ADCY1: variants seen among roughly 807,000 people sequenced by gnomAD.
ADCY1 encodes adenylate cyclase type 1.
In ADCY1, 28 loss-of-function variants were observed where a neutral mutation model predicts 105.4. The ratio of observed to expected loss-of-function variants is 0.27; its 90% CI spans 0.20 to 0.36. The LOEUF (loss-of-function observed/expected upper bound fraction) is 0.36, where lower values mean the gene tolerates loss of function less well. ADCY1 is among the 10% of genes least tolerant of loss of function. The probability of loss-of-function intolerance (pLI) is 1.00; values close to 1 mark genes in which losing one functional copy is unlikely to be tolerated. For synonymous variants in ADCY1, 655 were observed against 623.8 expected (o/e 1.05, Z -0.75); for missense variants, 977 against 1,434.2 (o/e 0.68, Z 5.15).
intron 1 of ADCY1, among the ~76,000 whole-genome samples, chr7:45,580,325 G>A (rs1049907816): frequency 2.6e-5 from 4 of 152,294 alleles, no homozygotes; most frequent in Non-Finnish European, 4.4e-5. Flanking sequence ...CTGAGGGGCC[G>A]GGGGGCAGCT....
chr7:45,716,040 G>C lies in ADCY1; in HGVS notation c.*2045G>C, dbSNP rs1249765368. The C allele has an allele frequency of 6.6e-6, 1 of 152,604 alleles. No individual in the cohort carries two copies. Among genetic ancestry groups the C allele is most frequent in the Non-Finnish European group, 1.5e-5 (1 of 68,398 alleles). 9.5% of individuals were successfully genotyped at this position (152,604 alleles called of 1,614,324 possible). A position where few individuals can be genotyped will look rare whatever the true frequency, so the allele number is the denominator to read the frequency against. Reference sequence around the variant, plus strand: ...GGACCCACTGGAGACTTTGAGGGCAGAGCTCGGGCACCTTTCATCTTCCTT... The same window carrying C: ...GGACCCACTGGAGACTTTGAGGGCACAGCTCGGGCACCTTTCATCTTCCTT... On this transcript the variant is annotated 3_prime_UTR_variant, in exon 20 of 20. Transcript: ENST00000297323.
intron 1 of ADCY1, among the ~76,000 whole-genome samples, chr7:45,587,237 T>G (rs918963524): frequency 6.6e-6 from 1 of 152,180 alleles, no homozygotes; most frequent in Non-Finnish European, 1.5e-5. Flanking sequence ...GAGCATGCTC[T>G]GCCCAGAGCT....
intron 14 of ADCY1, among the ~76,000 whole-genome samples, chr7:45,699,776 T>C (rs2471275): frequency 0.58 from 88,160 of 151,984 alleles, 26,488 homozygotes; most frequent in East Asian, 0.79. Context: ...TCGCAGGCCT[T>C]CTGAGGGTGC....
At chr7:45,622,514 G>A in intron 3 of ADCY1, 118 bp from the exon 4 acceptor site, 1 of 726,132 alleles carries the variant, frequency 1.4e-6, no homozygotes, top group African/African-American at 1.7e-5. Flanking sequence ...TCTGCATTGA[G>A]GAATAAATGG....
chr7:45,674,025 T>TC (rs1784412665), intron 8 of ADCY1, among the ~76,000 whole-genome samples: 2 of 144,900 alleles, frequency 1.4e-5, no homozygotes, highest in Admixed American at 1.4e-4. Flanking sequence ...GTTGTTTTTT[T>TC]TTTTTTTCCT....
At chr7:45,652,540 T>A (rs768534040) in intron 5 of ADCY1, among the ~76,000 whole-genome samples, 1 of 152,242 alleles carries the variant, frequency 6.6e-6, no homozygotes, top group Non-Finnish European at 1.5e-5. Context: ...TCTTGTTTTA[T>A]CGCTTTGAAG....
In ADCY1 at chr7:45,710,704, G is replaced by T. The variant is rs1280308029; in HGVS notation, c.3057+52G>T. On this transcript the variant is annotated intron_variant, in intron 19 of 19. Coordinates refer to ENST00000297323, the MANE Select transcript of ADCY1 (RefSeq NM_021116.4). The surrounding 1 kb of genome is among the most constrained non-coding windows in gnomAD (Gnocchi z 4.7). ...CATGGGTGCCCATTCTTCAGGTGAG[G>T]AAACTGAGGCACAGGGGGCCAGAAT... is the stretch of plus-strand genomic sequence containing the variant. The T allele has an allele frequency of 3.8e-6, 6 of 1,562,934 alleles. No homozygotes were observed. The highest frequency in any genetic ancestry group is 5.2e-6 in the Non-Finnish European group (6 of 1,154,458).
At chr7:45,598,789 A>T (rs1054598234) in intron 2 of ADCY1, among the ~76,000 whole-genome samples, 11 of 152,248 alleles carry the variant, frequency 7.2e-5, no homozygotes, top group African/African-American at 2.7e-4. Context: ...TTGCAATTTG[A>T]TCAGTCACAG....
At chr7:45,650,282 C>T (rs151251704) in intron 5 of ADCY1, among the ~76,000 whole-genome samples, 1,907 of 152,154 alleles carry the variant, frequency 0.013, 42 homozygotes, top group African/African-American at 0.043. Context: ...ATATAACTGT[C>T]TTTCGTATTT....
At position 45,721,611 on chromosome 7, in the gene ADCY1, T is replaced by G. The variant is rs953907989; in HGVS notation, c.*7616T>G. 2.5e-6 allele frequency: 1 copy of G among 398,584 alleles called. No homozygotes were observed. The highest frequency in any genetic ancestry group is 4.4e-5 in the Admixed American group (1 of 22,732). The allele number at this position is 398,584 out of a possible 1,614,324, so 24.7% of individuals were successfully genotyped here. A position where few individuals can be genotyped will look rare whatever the true frequency, so the allele number is the denominator to read the frequency against. Reference sequence around the variant, plus strand: ...CATTGGTTGTATTTGCTACTTTTACTTTCATCTTCCTCTGCTGTAGAGCCA... The same window carrying G: ...CATTGGTTGTATTTGCTACTTTTACGTTCATCTTCCTCTGCTGTAGAGCCA... On this transcript the variant is annotated 3_prime_UTR_variant, in exon 20 of 20. Transcript: ENST00000297323.
At chr7:45,579,803 G>A (rs961101338) in intron 1 of ADCY1, among the ~76,000 whole-genome samples, 3 of 152,146 alleles carry the variant, frequency 2.0e-5, no homozygotes, top group African/African-American at 7.2e-5. Context: ...CCTGGGCATG[G>A]CCCCCCACAG....
chr7:45,665,452 A>G (rs1784212881), intron 8 of ADCY1, among the ~76,000 whole-genome samples: 1 of 152,264 alleles, frequency 6.6e-6, no homozygotes, highest in South Asian at 2.1e-4. Flanking sequence ...AATACCTGGC[A>G]GCACAGTTGT....
In ADCY1 at chr7:45,624,071, A is replaced by G. The variant is rs140481393; in HGVS notation, c.1020+1328A>G. Among the ~76,000 whole-genome samples, 41 of 152,314 alleles carry G rather than the reference A, an allele frequency of 2.7e-4. No homozygotes were observed. The East Asian group carries it at 7.3e-3, about 27-fold the overall frequency. On this transcript the variant is annotated intron_variant, in intron 4 of 19. Transcript: ENST00000297323. ...AGGCAGCATCTTTTCAGAGAAGGTG[A>G]CAGTGAAGAGTCTTGAGGGAAAATG...
chr7:45,665,177 A>G (rs1784202988), intron 8 of ADCY1, among the ~76,000 whole-genome samples: 1 of 152,186 alleles, frequency 6.6e-6, no homozygotes, highest in African/African-American at 2.4e-5. Flanking sequence ...AGCCTAAGAA[A>G]CCATTTACTT....
rs538322776 is a variant in ADCY1, at chr7:45,611,907, G to A, written c.908+1410G>A. On this transcript the variant is annotated intron_variant, in intron 3 of 19. Transcript: ENST00000297323. ...CATTTGGCCTCTGAAGACACAAAAG[G>A]TCAATAGAAACTCTCAGTCCTTCTT... 3.9e-5 allele frequency among the ~76,000 whole-genome samples: 6 copies of A among 152,244 alleles called. No individual in the cohort carries two copies. In the South Asian group the frequency reaches 1.2e-3, roughly 32 times the overall value.
intron 3 of ADCY1, among the ~76,000 whole-genome samples, chr7:45,617,237 A>G (rs1409575025): frequency 6.6e-6 from 1 of 152,232 alleles, no homozygotes; most frequent in African/African-American, 2.4e-5. Context: ...CTGCAGCTGT[A>G]ACTGAGAAGC....
intron 1 of ADCY1, among the ~76,000 whole-genome samples, chr7:45,588,054 A>C (rs1424446937): frequency 6.6e-6 from 1 of 152,094 alleles, no homozygotes; most frequent in Non-Finnish European, 1.5e-5. Context: ...ATTTTTGCCT[A>C]TTCATCTGTT....
chr7:45,687,053 A>G (rs1028240013), intron 14 of ADCY1, among the ~76,000 whole-genome samples: 1 of 152,166 alleles, frequency 6.6e-6, no homozygotes, highest in Non-Finnish European at 1.5e-5. Context: ...CATCGGGGTC[A>G]TTGGGAAATA....
chr7:45,666,866 C>G (rs1469575872), intron 8 of ADCY1, among the ~76,000 whole-genome samples: 1 of 152,192 alleles, frequency 6.6e-6, no homozygotes, highest in Admixed American at 6.5e-5. Context: ...ATTTGCATTT[C>G]TCTGATGGCC....
Sources: gnomAD v4.1 joint callset for allele counts (sites outside exome capture counted in the v4.1 genomes callset) on GRCh38, gnomAD v4.1.1 for gene constraint, Gnocchi (gnomAD v3.1) non-coding constraint, MANE v1.5 for transcripts, NCBI Gene and HGNC (gene_info 2026-07-23, HGNC 2026-07-21) for gene names.